The following CD247 variants were observed in gnomAD, a reference collection of about 807,000 sequenced individuals.
CD247 encodes T-cell surface glycoprotein CD3 zeta chain.
Under a neutral mutation model 30.0 loss-of-function variants are expected in CD247, and 13 were observed. That is an observed-to-expected ratio of 0.43 (90% confidence interval 0.28 to 0.69). CD247 has a LOEUF of 0.69. Ranked by LOEUF, CD247 falls within the 30% of genes least tolerant of loss-of-function variation. The pLI, the probability that CD247 is intolerant of heterozygous loss-of-function variation, is 0.16. For synonymous variants in CD247, 72 were observed against 80.0 expected (o/e 0.90, Z 0.53); for missense variants, 193 against 212.6 (o/e 0.91, Z 0.57).
At chr1:167,441,360 C>G (rs1651822559) in intron 1 of CD247, among the ~76,000 whole-genome samples, 3 of 152,188 alleles carry the variant, frequency 2.0e-5, no homozygotes, top group Admixed American at 2.0e-4. Flanking sequence ...GCTTCCCTTC[C>G]CTGTTCCCTG....
rs184894260 is a variant in CD247 at position 167,433,039 on chromosome 1, G to A, written c.414C>T (p.His138=). 9.3e-6 allele frequency: 15 copies of A among 1,614,088 alleles called. No individual in the cohort carries two copies. The highest frequency in any genetic ancestry group is 2.2e-5 in the East Asian group (1 of 44,890). ...CAGCTCCTACCTGGTAAAGGCCATCGTGCCCCTTGCCCCTCCGGCGCTGGT... is the reference window on the plus strand; with the variant it reads ...CAGCTCCTACCTGGTAAAGGCCATCATGCCCCTTGCCCCTCCGGCGCTGGT... ...MKGERRRGKG[H]DGLYQGLSTA... is the part of the protein sequence containing the mutation. The change falls in exon 7 of 8, where the codon CAC becomes CAT. Residue 138 remains histidine, a synonymous_variant. Coordinates refer to ENST00000362089, the MANE Select transcript of CD247 (RefSeq NM_198053.3).
At chr1:167,448,776 G>A (rs1035960190) in intron 1 of CD247, among the ~76,000 whole-genome samples, 4 of 152,150 alleles carry the variant, frequency 2.6e-5, no homozygotes, top group East Asian at 1.9e-4. Flanking sequence ...CAAAAGAATC[G>A]CTTGAACCCA....
intron 4 of CD247, among the ~76,000 whole-genome samples, chr1:167,436,769 C>G (rs1651560891): frequency 6.6e-6 from 1 of 151,902 alleles, no homozygotes; most frequent in Admixed American, 6.6e-5. Context: ...AAAGTAAAAC[C>G]ACAATGAGAT....
intron 1 of CD247, among the ~76,000 whole-genome samples, chr1:167,517,124 C>T (rs773641316): frequency 6.6e-6 from 1 of 152,240 alleles, no homozygotes; most frequent in African/African-American, 2.4e-5. Flanking sequence ...CTCAGGCACC[C>T]TCACTCTGCC....
At chr1:167,515,896 T>C (rs897036675) in intron 1 of CD247, among the ~76,000 whole-genome samples, 1 of 152,268 alleles carries the variant, frequency 6.6e-6, no homozygotes, top group Non-Finnish European at 1.5e-5. Context: ...TTATTGGCTG[T>C]CTACTATGTA....
At chr1:167,508,378 G>A (rs765650209) in intron 1 of CD247, among the ~76,000 whole-genome samples, 3 of 152,220 alleles carry the variant, frequency 2.0e-5, no homozygotes, top group Non-Finnish European at 4.4e-5. Context: ...AGTTTTTAAA[G>A]GGGATTTCAC....
Position 167,438,649 on chromosome 1 carries a change from T to TC in CD247, c.220dup (p.Glu74GlyfsTer22). ...CTCCTCTCTTCGTCCTAGATTGAGC[T>TC]CCTATAACAGATAAGAAAGTGTCAG... On this transcript the variant is annotated frameshift_variant and splice_region_variant, in exon 4 of 8. Transcript: ENST00000362089. LOFTEE classifies it high-confidence loss of function. 6.2e-7 allele frequency: 1 copy of TC among 1,612,644 alleles called. No individual in the cohort carries two copies. Among genetic ancestry groups the TC allele is most frequent in the Non-Finnish European group, 8.5e-7 (1 of 1,178,700 alleles).
chr1:167,432,792 G>A (rs986540914), intron 7 of CD247, among the ~76,000 whole-genome samples: 1 of 152,206 alleles, frequency 6.6e-6, no homozygotes, highest in African/African-American at 2.4e-5. Context: ...GTCTGCCATG[G>A]CCAAGCAAGG....
chr1:167,509,690 C>T (rs932266333), intron 1 of CD247, among the ~76,000 whole-genome samples: 1 of 152,088 alleles, frequency 6.6e-6, no homozygotes, highest in Admixed American at 6.6e-5. Flanking sequence ...GGGTTTTTGA[C>T]CCTGAATTCT....
chr1:167,509,739 G>A (rs772269928), intron 1 of CD247, among the ~76,000 whole-genome samples: 4 of 152,134 alleles, frequency 2.6e-5, no homozygotes, highest in Non-Finnish European at 4.4e-5. Context: ...TCACTTTAAC[G>A]CTGGTAACAA....
chr1:167,455,325 C>G (rs1019948505), intron 1 of CD247, among the ~76,000 whole-genome samples: 1 of 152,236 alleles, frequency 6.6e-6, no homozygotes, highest in Non-Finnish European at 1.5e-5. Flanking sequence ...AAAGCTACGC[C>G]GGGTGCACTG....
At chr1:167,477,145 G>A (rs1024496165) in intron 1 of CD247, among the ~76,000 whole-genome samples, 4 of 152,130 alleles carry the variant, frequency 2.6e-5, no homozygotes, top group Admixed American at 6.6e-5. Context: ...ACTCTGAGAG[G>A]GGTGACAAAT....
At chr1:167,492,351 G>A (rs1295362879) in intron 1 of CD247, among the ~76,000 whole-genome samples, 3 of 152,102 alleles carry the variant, frequency 2.0e-5, no homozygotes, top group Admixed American at 6.6e-5. Context: ...TAACCCCTGC[G>A]GCGCCAACTA....
intron 1 of CD247, among the ~76,000 whole-genome samples, chr1:167,483,116 C>A (rs775801752): frequency 6.6e-6 from 1 of 151,778 alleles, no homozygotes; most frequent in Non-Finnish European, 1.5e-5. Context: ...TCAAGCAATT[C>A]TCCTGCCTCA....
chr1:167,450,551 G>A (rs894985109), intron 1 of CD247, among the ~76,000 whole-genome samples: 1 of 152,052 alleles, frequency 6.6e-6, no homozygotes, highest in Non-Finnish European at 1.5e-5. Context: ...AAGACTAATA[G>A]TCCAAGAGAT....
At chr1:167,501,393 C>T (rs1484861419) in intron 1 of CD247, among the ~76,000 whole-genome samples, 1 of 152,174 alleles carries the variant, frequency 6.6e-6, no homozygotes, top group Non-Finnish European at 1.5e-5. Context: ...ATACATACCC[C>T]ACCTTCCTGC....
chr1:167,450,418 C>A (rs1652299527), intron 1 of CD247, among the ~76,000 whole-genome samples: 1 of 151,990 alleles, frequency 6.6e-6, no homozygotes, highest in African/African-American at 2.4e-5. Flanking sequence ...CACTTGAGCC[C>A]AGGAGGTCAA....
intron 1 of CD247, among the ~76,000 whole-genome samples, chr1:167,449,149 CT>C (rs71097676): frequency 2.3e-4 from 15 of 66,418 alleles, no homozygotes; most frequent in African/African-American, 1.1e-3. Flanking sequence ...TTTTTCTTTT[CT>C]TTTTTTTTTT....
intron 1 of CD247, among the ~76,000 whole-genome samples, chr1:167,504,738 C>G (rs949579993): frequency 1.1e-4 from 17 of 152,140 alleles, no homozygotes; most frequent in African/African-American, 4.1e-4. Context: ...ATTAACGGGA[C>G]GCTAGGGCAG....
Sources: gnomAD v4.1 joint callset for allele counts (sites outside exome capture counted in the v4.1 genomes callset) on GRCh38, gnomAD v4.1.1 for gene constraint, MANE v1.5 for transcripts, NCBI Gene and HGNC (gene_info 2026-07-23, HGNC 2026-07-21) for gene names.